Variants in PGM5 observed in about 807,000 individuals in gnomAD.
PGM5 encodes the protein phosphoglucomutase-like protein 5.
In PGM5, 23 loss-of-function variants were observed where a neutral mutation model predicts 59.2. The observed-to-expected ratio is 0.39, with a 90% CI of 0.28 to 0.55. The LOEUF (loss-of-function observed/expected upper bound fraction) is 0.55. PGM5 is among the 20% of genes least tolerant of loss of function. The pLI is 0.66. For synonymous variants in PGM5, 214 were observed against 286.0 expected (o/e 0.75, Z 2.54); for missense variants, 574 against 748.3 (o/e 0.77, Z 2.72).
In PGM5 at chr9:68,378,298, G is replaced by C; in HGVS notation, c.361G>C (p.Ala121Pro). 6.3e-7 allele frequency: 1 copy of C among 1,595,722 alleles called. No homozygotes were observed. The highest frequency in any genetic ancestry group is 8.5e-7 in the Non-Finnish European group (1 of 1,172,300). ...IKAAGGIILT[A>P]SHCPGGPGGE... ...GGCAGCTGGTGGAATCATTCTAACA[G>C]CCAGCCACTGCCCTGGAGGACCAGG... Residue 121 changes from alanine to proline, a missense_variant, in exon 2 of 11, where the codon GCC becomes CCC. This residue lies in a region of PGM5 where 61 missense variants were observed against 133.3 expected (regional missense o/e 0.46). Transcript: ENST00000396396.
At chr9:68,464,684 G>T (rs1587818709) in intron 6 of PGM5, 1 of 159,806 alleles carries the variant, frequency 6.3e-6, no homozygotes, top group East Asian at 1.9e-4. Context: ...AGTGGGTGGG[G>T]GTAAATCTGA....
intron 1 of PGM5, 147 bp from the exon 2 acceptor site, chr9:68,378,052 C>T (rs1821967818): frequency 5.3e-6 from 4 of 748,640 alleles, no homozygotes; most frequent in Middle Eastern, 4.2e-4. Flanking sequence ...GTCAGTGCTC[C>T]CCCTACCCTG....
intron 6 of PGM5, among the ~76,000 whole-genome samples, chr9:68,432,777 TG>T (rs1378983275): frequency 6.6e-6 from 1 of 152,088 alleles, no homozygotes; most frequent in Non-Finnish European, 1.5e-5. Flanking sequence ...GGCTAATTTT[TG>T]GTATTTTTAG....
In PGM5 at chr9:68,445,876, T is replaced by C. The variant is rs1823603300; in HGVS notation, c.1044-19217T>C. ...TTCTTACGTGTAGTTATTTGTGCTC[T>C]ACCATGTATCTGGGGATCTCCAAGT... On this transcript the variant is annotated intron_variant, in intron 6 of 10. Coordinates refer to ENST00000396396, the MANE Select transcript of PGM5 (RefSeq NM_021965.4). Among the ~76,000 whole-genome samples the C allele has an allele frequency of 2.0e-5, 3 of 152,262 alleles. No homozygotes were observed. The South Asian group carries it at 6.2e-4, about 31-fold the overall frequency.
At chr9:68,503,591 A>G (rs1272932715) in intron 10 of PGM5, among the ~76,000 whole-genome samples, 1 of 152,228 alleles carries the variant, frequency 6.6e-6, no homozygotes, top group African/African-American at 2.4e-5. Flanking sequence ...ATTGTCCCCA[A>G]TAAACCAGGA....
intron 10 of PGM5, among the ~76,000 whole-genome samples, chr9:68,506,642 T>G (rs1159782227): frequency 1.3e-5 from 2 of 152,198 alleles, no homozygotes; most frequent in Non-Finnish European, 2.9e-5. Flanking sequence ...TTCTAGTTCA[T>G]AAGGGATCTA....
At chr9:68,361,463 A>C (rs1379043687) in intron 1 of PGM5, among the ~76,000 whole-genome samples, 1 of 152,272 alleles carries the variant, frequency 6.6e-6, no homozygotes. Flanking sequence ...TAGGCCTGCT[A>C]TAACAAAATA....
chr9:68,463,293 A>G lies in PGM5; in HGVS notation c.1044-1800A>G, dbSNP rs188437180. Among the ~76,000 whole-genome samples the G allele has an allele frequency of 7.2e-5, 11 of 151,804 alleles. No individual in the cohort carries two copies. The East Asian group carries it at 1.9e-3, about 27-fold the overall frequency. ...CTTCCTCTTCTTTCTCAAGACCCTCATTGATCCCACTCTACGGTCATCCCC... is the reference window on the plus strand; with the variant it reads ...CTTCCTCTTCTTTCTCAAGACCCTCGTTGATCCCACTCTACGGTCATCCCC... On this transcript the variant is annotated intron_variant, in intron 6 of 10. Transcript: ENST00000396396.
At chr9:68,458,944 C>G (rs1359804311) in intron 6 of PGM5, among the ~76,000 whole-genome samples, 2 of 152,094 alleles carry the variant, frequency 1.3e-5, no homozygotes, top group Admixed American at 1.3e-4. Context: ...CTCATATAAG[C>G]CTTTTACCAT....
chr9:68,515,788 ATAAACT>A (rs1824815159), intron 10 of PGM5, among the ~76,000 whole-genome samples: 1 of 152,202 alleles, frequency 6.6e-6, no homozygotes, highest in Non-Finnish European at 1.5e-5. Context: ...TTATGGGCAA[ATAAACT>A]TAAGCTAGAA....
At chr9:68,491,035 G>T (rs782484845) in intron 9 of PGM5, among the ~76,000 whole-genome samples, 2 of 152,170 alleles carry the variant, frequency 1.3e-5, no homozygotes, top group Non-Finnish European at 2.9e-5. Context: ...ATATGGTGAA[G>T]GTTGTTAGAG....
chr9:68,529,161 T>A (rs1825038312), intron 10 of PGM5, among the ~76,000 whole-genome samples: 1 of 108,622 alleles, frequency 9.2e-6, no homozygotes, highest in Non-Finnish European at 2.0e-5. Context: ...GAGCTTTTAT[T>A]CTCGTGTGTG....
chr9:68,472,540 G>C (rs1824038781), intron 7 of PGM5, among the ~76,000 whole-genome samples: 1 of 152,200 alleles, frequency 6.6e-6, no homozygotes, highest in African/African-American at 2.4e-5. Context: ...CTTCGTCTGA[G>C]GGGATGATCT....
rs79432936 is a variant in PGM5 at position 68,476,876 on chromosome 9, T to G, written c.1160-2542T>G. Among the ~76,000 whole-genome samples, 6 of 152,334 alleles carry G rather than the reference T, an allele frequency of 3.9e-5. No individual in the cohort carries two copies. The East Asian group carries it at 1.2e-3, about 29-fold the overall frequency. On this transcript the variant is annotated intron_variant, in intron 7 of 10. Transcript: ENST00000396396. ...ATCTTATCTCACAGATTTAACAGCA[T>G]CTAATGGTTCTATCTCTAGGTAATG...
intron 6 of PGM5, among the ~76,000 whole-genome samples, chr9:68,434,999 C>T (rs541829150): frequency 1.6e-4 from 25 of 152,160 alleles, no homozygotes; most frequent in Non-Finnish European, 3.2e-4. Flanking sequence ...GGCCATTCTC[C>T]TGATAAGTCC....
intron 9 of PGM5, among the ~76,000 whole-genome samples, chr9:68,487,574 A>G (rs1824317970): frequency 6.6e-6 from 1 of 151,916 alleles, no homozygotes; most frequent in Non-Finnish European, 1.5e-5. Flanking sequence ...TCTTCTATTT[A>G]TTCTATTTTA....
chr9:68,367,378 T>C (rs372700980), intron 1 of PGM5, among the ~76,000 whole-genome samples: 9,854 of 152,004 alleles, frequency 0.065, 400 homozygotes, highest in African/African-American at 0.12. Flanking sequence ...GATTTTCAAA[T>C]CGAATGGACT....
At chr9:68,419,860 C>T (rs1823098506) in intron 6 of PGM5, among the ~76,000 whole-genome samples, 1 of 152,134 alleles carries the variant, frequency 6.6e-6, no homozygotes, top group Admixed American at 6.5e-5. Flanking sequence ...TGAGATATCC[C>T]CCTCATCTCC....
At chr9:68,433,217 C>T (rs1262766654) in intron 6 of PGM5, among the ~76,000 whole-genome samples, 1 of 152,210 alleles carries the variant, frequency 6.6e-6, no homozygotes, top group African/African-American at 2.4e-5. Flanking sequence ...GGGACTTAAT[C>T]TGGATTCTGT....
Sources: gnomAD v4.1 joint callset for allele counts (sites outside exome capture counted in the v4.1 genomes callset) on GRCh38, gnomAD v4.1.1 for gene constraint, gnomAD v4.1.1 regional missense constraint, MANE v1.5 for transcripts, NCBI Gene and HGNC (gene_info 2026-07-23, HGNC 2026-07-21) for gene names.